The following CUX2 variants were observed in gnomAD, a reference collection of about 807,000 sequenced individuals.
CUX2 encodes homeobox protein cut-like 2.
CUX2 carries 40 observed loss-of-function variants against 144.8 expected under a neutral mutation model. That is an observed-to-expected ratio of 0.28 (90% CI 0.21 to 0.36). The LOEUF (loss-of-function observed/expected upper bound fraction) is 0.36. Ranked by LOEUF, CUX2 falls within the 10% of genes least tolerant of loss-of-function variation. The pLI is 1.00. For missense variants in CUX2, 1,615 were observed against 1,994.0 expected (o/e 0.81, Z 3.62); for synonymous variants, 827 against 875.6 (o/e 0.94, Z 0.98).
chr12:111,328,602 G>GTC (rs1316129923), intron 18 of CUX2, among the ~76,000 whole-genome samples: 5 of 151,506 alleles, frequency 3.3e-5, no homozygotes, highest in Non-Finnish European at 7.4e-5. Context: ...GTGTGTGTGT[G>GTC]TGTGTGTGTG....
In CUX2 at chr12:111,034,987, C is replaced by T. The variant is rs2135996060; in HGVS notation, c.63+747C>T. On this transcript the variant is annotated intron_variant, in intron 1 of 21. Coordinates refer to ENST00000261726, the MANE Select transcript of CUX2 (RefSeq NM_015267.4). The surrounding 1 kb of genome is among the most constrained non-coding windows in gnomAD (Gnocchi z 4.2). ...GCCTTTACCCCCCCGCCCCTTCCAT[C>T]CCCTTCCCAAGTCTAGATGCAGACG... Among the ~76,000 whole-genome samples, 1 of 152,222 alleles carries T rather than the reference C, an allele frequency of 6.6e-6. No individual in the cohort carries two copies. The highest frequency in any genetic ancestry group is 2.4e-5 in the African/African-American group (1 of 41,566).
chr12:111,253,300 C>A (rs1883657286), intron 3 of CUX2, among the ~76,000 whole-genome samples: 1 of 148,540 alleles, frequency 6.7e-6, no homozygotes, highest in Admixed American at 6.7e-5. Flanking sequence ...CAGGGCTCTT[C>A]CCCCCGACTC....
Position 111,338,358 on chromosome 12 carries a change from A to G in CUX2, c.3269A>G (p.Lys1090Arg). The change falls in exon 20 of 22, where the codon AAA becomes AGA. Residue 1090 changes from lysine to arginine, a missense_variant. Physicochemically the swap from Lys to Arg is conservative, Grantham distance 26 (BLOSUM62 2). Transcript: ENST00000261726. ...GSVSDLLSRP[K>R]PWHKLSLKGR... ...GTGTCTGACCTGCTGTCCCGGCCCA[A>G]ACCCTGGCACAAGCTGAGCCTGAAG... The G allele has an allele frequency of 6.2e-7, 1 of 1,614,126 alleles. No homozygotes were observed.
intron 1 of CUX2, among the ~76,000 whole-genome samples, chr12:111,128,818 C>T (rs1187224990): frequency 6.6e-6 from 1 of 152,212 alleles, no homozygotes; most frequent in Non-Finnish European, 1.5e-5. Context: ...TCCTTATCTG[C>T]CACTGACACC....
chr12:111,131,198 T>C (rs911602840), intron 1 of CUX2, among the ~76,000 whole-genome samples: 5 of 152,234 alleles, frequency 3.3e-5, no homozygotes, highest in Middle Eastern at 3.4e-3. Flanking sequence ...TACATGGTGG[T>C]GGCAAGAGAA....
At chr12:111,102,572 G>C (rs1390995076) in intron 1 of CUX2, among the ~76,000 whole-genome samples, 1 of 152,238 alleles carries the variant, frequency 6.6e-6, no homozygotes, top group Non-Finnish European at 1.5e-5. Context: ...CCCTCTGCCT[G>C]GGCCAGGCCT....
rs538614343 is a variant in CUX2 at position 111,133,189 on chromosome 12, C to T, written c.64-81011C>T. On this transcript the variant is annotated intron_variant, in intron 1 of 21. Coordinates refer to ENST00000261726, the MANE Select transcript of CUX2 (RefSeq NM_015267.4). ...TCCAAACATTTCCACATTTTCCTGT[C>T]TTAGCCCTCTAAACTGTTCCAACCT... is the stretch of plus-strand genomic sequence containing the variant. Among the ~76,000 whole-genome samples, 184 of 152,302 alleles carry T rather than the reference C, an allele frequency of 1.2e-3. No individual in the cohort carries two copies. The Middle Eastern group carries it at 0.027, about 23-fold the overall frequency.
intron 5 of CUX2, among the ~76,000 whole-genome samples, chr12:111,292,513 C>G (rs1885744919): frequency 6.6e-6 from 1 of 152,194 alleles, no homozygotes; most frequent in Non-Finnish European, 1.5e-5. Context: ...TTGCCTGAAC[C>G]TGGGAGGTGG....
chr12:111,147,012 G>A (rs776376922), intron 1 of CUX2, among the ~76,000 whole-genome samples: 6 of 152,118 alleles, frequency 3.9e-5, no homozygotes, highest in African/African-American at 7.2e-5. Flanking sequence ...TCACGTGCCT[G>A]TAATCCCAGA....
intron 1 of CUX2, among the ~76,000 whole-genome samples, chr12:111,104,372 G>A (rs758146270): frequency 2.5e-4 from 38 of 152,220 alleles, no homozygotes; most frequent in Non-Finnish European, 5.3e-4. Context: ...TGGCTCATGG[G>A]AGGTTTGTGG....
chr12:111,131,191 A>G (rs1388195955), intron 1 of CUX2, among the ~76,000 whole-genome samples: 1 of 152,200 alleles, frequency 6.6e-6, no homozygotes, highest in Non-Finnish European at 1.5e-5. Context: ...CACTTCTTAC[A>G]TGGTGGTGGC....
intron 1 of CUX2, among the ~76,000 whole-genome samples, chr12:111,205,989 A>G (rs182559028): frequency 1.2e-3 from 181 of 152,348 alleles, no homozygotes; most frequent in African/African-American, 3.8e-3. Flanking sequence ...AGTAAAATAC[A>G]CAGTGTATTT....
chr12:111,188,174 C>T (rs1439060677), intron 1 of CUX2, among the ~76,000 whole-genome samples: 1 of 152,204 alleles, frequency 6.6e-6, no homozygotes, highest in African/African-American at 2.4e-5. Flanking sequence ...TTATTGAGCA[C>T]CTACTGTGTG....
intron 1 of CUX2, among the ~76,000 whole-genome samples, chr12:111,172,910 T>G (rs1419358168): frequency 6.6e-6 from 1 of 152,208 alleles, no homozygotes; most frequent in African/African-American, 2.4e-5. Context: ...CAGCTTTAGC[T>G]CCAAGAGCTG....
chr12:111,183,105 G>A (rs544592868), intron 1 of CUX2, among the ~76,000 whole-genome samples: 3 of 152,360 alleles, frequency 2.0e-5, no homozygotes, highest in African/African-American at 7.2e-5. Flanking sequence ...CTAAGAATGG[G>A]TGAGGCTGGA....
intron 1 of CUX2, among the ~76,000 whole-genome samples, chr12:111,141,488 T>C (rs1166879140): frequency 2.6e-5 from 4 of 152,190 alleles, no homozygotes; most frequent in Admixed American, 2.0e-4. Flanking sequence ...TCTGGCCCCA[T>C]GCTAAGCCTC....
intron 1 of CUX2, chr12:111,100,185 G>A (rs1363670158): frequency 8.3e-6 from 3 of 362,512 alleles, no homozygotes; most frequent in Non-Finnish European, 1.6e-5. Context: ...CTGTGACTGT[G>A]TGTGTGTGTG....
At chr12:111,063,071 G>A (rs916389399) in intron 1 of CUX2, among the ~76,000 whole-genome samples, 1 of 152,160 alleles carries the variant, frequency 6.6e-6, no homozygotes. Context: ...TGGGCTGGGA[G>A]ACCTGGCCAG....
At chr12:111,105,832 T>G (rs1050717141) in intron 1 of CUX2, among the ~76,000 whole-genome samples, 21 of 151,984 alleles carry the variant, frequency 1.4e-4, no homozygotes, top group African/African-American at 4.8e-4. Flanking sequence ...TCATGGCAGC[T>G]CTGATTTCAC....
Sources: gnomAD v4.1 joint callset for allele counts (sites outside exome capture counted in the v4.1 genomes callset) on GRCh38, gnomAD v4.1.1 for gene constraint, Gnocchi (gnomAD v3.1) non-coding constraint, MANE v1.5 for transcripts, NCBI Gene and HGNC (gene_info 2026-07-23, HGNC 2026-07-21) for gene names.